The following EIF2AK4 variants were observed in gnomAD, a reference collection of about 807,000 sequenced individuals.
EIF2AK4 encodes eukaryotic translation initiation factor 2 alpha kinase 4.
EIF2AK4 carries 139 observed loss-of-function variants against 211.1 expected under a neutral mutation model. The observed-to-expected ratio is 0.66, with a 90% CI of 0.57 to 0.76. The LOEUF (loss-of-function observed/expected upper bound fraction) is 0.76. Ranked by LOEUF, EIF2AK4 falls within the 30% of genes least tolerant of loss-of-function variation. The pLI, the probability that EIF2AK4 is intolerant of heterozygous loss-of-function variation, is 0.00. For synonymous variants in EIF2AK4, 710 were observed against 751.3 expected (o/e 0.94, Z 0.90); for missense variants, 1,664 against 2,043.8 (o/e 0.81, Z 3.58).
At chr15:39,944,473 C>T (rs772799736) in intron 3 of EIF2AK4, among the ~76,000 whole-genome samples, 48 of 135,262 alleles carry the variant, frequency 3.5e-4, no homozygotes, top group Non-Finnish European at 6.5e-4. Flanking sequence ...GCTCTGTCAC[C>T]CAGGCTAGAG....
chr15:39,970,647 T>A (rs12912096), intron 9 of EIF2AK4, among the ~76,000 whole-genome samples: 69,902 of 151,890 alleles, frequency 0.46, 16,352 homozygotes, highest in East Asian at 0.54. Flanking sequence ...CAAAAAACAA[T>A]ACTATTTTGT....
At chr15:39,939,663 T>TTCTATG in intron 2 of EIF2AK4, 46 bp downstream of exon 2, 1 of 1,473,906 alleles carries the variant, frequency 6.8e-7, no homozygotes, top group Non-Finnish European at 9.4e-7. Context: ...AGTTTTCTGT[T>TTCTATG]TTGACAACAT....
chr15:40,008,236 A>T (rs1167232717), intron 25 of EIF2AK4, 41 bp downstream of exon 25: 1 of 1,537,416 alleles, frequency 6.5e-7, no homozygotes. Flanking sequence ...TCCCCACTAT[A>T]TTTCTTCACC....
chr15:39,967,313 A>G (rs1270163772), intron 8 of EIF2AK4, 31 bp from the exon 9 acceptor site: 2 of 1,476,570 alleles, frequency 1.4e-6, no homozygotes, highest in Non-Finnish European at 1.8e-6. Context: ...GACTGGCCCA[A>G]TATTCTTTTT....
chr15:40,006,971 A>AGC, intron 23 of EIF2AK4, 45 bp from the exon 24 acceptor site: 1 of 1,460,220 alleles, frequency 6.8e-7, no homozygotes, highest in Non-Finnish European at 9.6e-7. Flanking sequence ...TATTAACAAA[A>AGC]GGCACATTTT....
At position 39,958,800 on chromosome 15, in the gene EIF2AK4, A is replaced by G. The variant is rs576980128; in HGVS notation, c.744-2984A>G. Reference sequence around the variant, plus strand: ...GATCCTCTTTCTCCCTCCTGCCCCAACATCTACACATTGATCATAATGGTA... The same window carrying G: ...GATCCTCTTTCTCCCTCCTGCCCCAGCATCTACACATTGATCATAATGGTA... On this transcript the variant is annotated intron_variant, in intron 6 of 38. Coordinates refer to ENST00000263791, the MANE Select transcript of EIF2AK4 (RefSeq NM_001013703.4). Among the ~76,000 whole-genome samples, 8 of 152,258 alleles carry G rather than the reference A, an allele frequency of 5.3e-5. No homozygotes were observed. The South Asian group carries it at 1.0e-3, about 20-fold the overall frequency.
At chr15:40,031,612 A>G (rs2035544004) in intron 35 of EIF2AK4, among the ~76,000 whole-genome samples, 1 of 152,222 alleles carries the variant, frequency 6.6e-6, no homozygotes, top group Non-Finnish European at 1.5e-5. Flanking sequence ...TTTCAAAATT[A>G]TGAAGAGATA....
intron 31 of EIF2AK4, chr15:40,022,214 G>GTGTGTGTGTT (rs771474808): frequency 4.3e-6 from 1 of 232,442 alleles, no homozygotes; most frequent in Non-Finnish European, 8.2e-6. Context: ...GTGTGTGTGT[G>GTGTGTGTGTT]TATGTTGTGT....
At chr15:39,993,724 A>C (rs186797190) in intron 18 of EIF2AK4, among the ~76,000 whole-genome samples, 1 of 152,244 alleles carries the variant, frequency 6.6e-6, no homozygotes, top group Non-Finnish European at 1.5e-5. Context: ...GGCCTGGATA[A>C]GGAGTGTGCA....
chr15:39,998,268 T>TG lies in EIF2AK4; in HGVS notation c.2869-463_2869-462insG, dbSNP rs1486784659. Among the ~76,000 whole-genome samples the TG allele has an allele frequency of 9.0e-5, 11 of 122,566 alleles. 1 individual carries two copies. Among genetic ancestry groups the TG allele is most frequent in the Non-Finnish European group, 1.5e-4 (8 of 51,688 alleles). The allele number at this position is 122,566 out of a possible 152,430, so 80.4% of individuals were successfully genotyped here. Reference sequence around the variant, plus strand: ...GGTATATGGGTGTGGTTTTTTTTTTTTGTTTTGTTTTTTTTTGCCTTTTTT... The same window carrying TG: ...GGTATATGGGTGTGGTTTTTTTTTTTGTGTTTTGTTTTTTTTTGCCTTTTTT... On this transcript the variant is annotated intron_variant, in intron 19 of 38. Coordinates refer to ENST00000263791, the MANE Select transcript of EIF2AK4 (RefSeq NM_001013703.4).
chr15:39,967,545 G>A lies in EIF2AK4; in HGVS notation c.1219G>A (p.Ala407Thr). ...IPVHQLRRYT[A>T]QLLSGLDYLH... ...TGTGCATCAGCTTCGCAGGTACACA[G>A]CTCAGCTCCTGTCAGGCCTTGATTA... Residue 407 changes from alanine (A) to threonine (T), a missense_variant, in exon 9 of 39, where the codon GCT becomes ACT. Transcript: ENST00000263791. The A allele has an allele frequency of 1.2e-6, 2 of 1,613,964 alleles. No individual in the cohort carries two copies. Among genetic ancestry groups the A allele is most frequent in the Non-Finnish European group, 8.5e-7 (1 of 1,179,948 alleles).
Position 40,026,095 on chromosome 15 carries a change from T to G in EIF2AK4, c.4502+6T>G. ...ACTGATGAAAGGAATGGCAGGTAAC[T>G]TAGGAAACAAAAGCCGAGAAAAGTG... On this transcript the variant is annotated splice_donor_region_variant and intron_variant, in intron 33 of 38. Transcript: ENST00000263791. The G allele has an allele frequency of 1.9e-6, 3 of 1,612,368 alleles. No individual in the cohort carries two copies. The highest frequency in any genetic ancestry group is 2.5e-6 in the Non-Finnish European group (3 of 1,178,748).
In EIF2AK4 at chr15:40,035,154, A is replaced by G; in HGVS notation, c.*70A>G. On this transcript the variant is annotated 3_prime_UTR_variant, in exon 39 of 39. Coordinates refer to ENST00000263791, the MANE Select transcript of EIF2AK4 (RefSeq NM_001013703.4). ...ATACTGGAATAATGGAATGTTGTAC[A>G]TTCATCATAATTTAAAATTAAATTC... 1.7e-6 allele frequency: 2 copies of G among 1,165,444 alleles called. No individual in the cohort carries two copies. The highest frequency in any genetic ancestry group is 1.2e-6 in the Non-Finnish European group (1 of 847,466). 72.2% of individuals were successfully genotyped at this position (1,165,444 alleles called of 1,614,324 possible).
Position 39,949,166 on chromosome 15 carries a change from T to C in EIF2AK4, c.411T>C (p.His137=). 2 of 1,614,010 alleles carry C rather than the reference T, an allele frequency of 1.2e-6. No homozygotes were observed. Among genetic ancestry groups the C allele is most frequent in the Non-Finnish European group, 1.7e-6 (2 of 1,179,998 alleles). Reference sequence around the variant, plus strand: ...ACGTGCAGTCATTTCTCAGCGAGCATAACAAGCCCCCTCCCAAGTCTTTTC... The same window carrying C: ...ACGTGCAGTCATTTCTCAGCGAGCACAACAAGCCCCCTCCCAAGTCTTTTC... ...AYHVQSFLSE[H]NKPPPKSFHE... The change falls in exon 4 of 39, where the codon CAT becomes CAC. Residue 137 remains histidine, a synonymous_variant. Coordinates refer to ENST00000263791, the MANE Select transcript of EIF2AK4 (RefSeq NM_001013703.4).
intron 2 of EIF2AK4, among the ~76,000 whole-genome samples, chr15:39,939,985 A>T (rs1053926007): frequency 1.3e-5 from 2 of 152,202 alleles, no homozygotes; most frequent in Non-Finnish European, 2.9e-5. Context: ...TGTGGCTGGT[A>T]TTAGAAATTC....
intron 9 of EIF2AK4, among the ~76,000 whole-genome samples, chr15:39,970,036 A>G (rs2034601726): frequency 6.6e-6 from 1 of 152,148 alleles, no homozygotes; most frequent in South Asian, 2.1e-4. Flanking sequence ...AGCACTGCCT[A>G]CCTCATGAGG....
At position 40,016,525 on chromosome 15, in the gene EIF2AK4, TGAACA is replaced by T; in HGVS notation, c.3787_3791del (p.Gln1263GlyfsTer80). The T allele has an allele frequency of 6.2e-7, 1 of 1,614,192 alleles. No individual in the cohort carries two copies. On this transcript the variant is annotated frameshift_variant, in exon 28 of 39. Transcript: ENST00000263791. LOFTEE classifies it high-confidence loss of function. Reference sequence around the variant, plus strand: ...AGCTGTGTCGACTCTACAAGTTTATTGAACAGAAGGGAGATTTGCAAGATCTTATG... The same window carrying T: ...AGCTGTGTCGACTCTACAAGTTTATTGAAGGGAGATTTGCAAGATCTTATG...
chr15:40,017,059 T>A, intron 28 of EIF2AK4, 49 bp from the exon 29 acceptor site: 1 of 1,592,876 alleles, frequency 6.3e-7, no homozygotes, highest in African/African-American at 1.3e-5. Flanking sequence ...ATATTCCACA[T>A]TCTAAATTTC....
In EIF2AK4 at chr15:39,967,711, C is replaced by T. The variant is rs1384613548; in HGVS notation, c.1385C>T (p.Thr462Ile). ...TGCAAGGAGGATGTGTTTGAGCAAA[C>T]CCGAGTTCGTTTTAGTGACAATGCT... The part of the protein sequence containing the change: ...DICKEDVFEQ[T>I]RVRFSDNALP... The change falls in exon 9 of 39, where the codon ACC becomes ATC. Residue 462 changes from threonine (T) to isoleucine (I), a missense_variant. Around this residue, in one of 7 missense-constraint regions of EIF2AK4, gnomAD observed 641 missense variants for 729.6 expected, o/e 0.88. Coordinates refer to ENST00000263791, the MANE Select transcript of EIF2AK4 (RefSeq NM_001013703.4). The T allele has an allele frequency of 5.0e-6, 8 of 1,614,136 alleles. No individual in the cohort carries two copies. Among genetic ancestry groups the T allele is most frequent in the Non-Finnish European group, 6.8e-6 (8 of 1,180,028 alleles).
Sources: allele counts gnomAD v4.1 joint callset (sites outside exome capture counted in the v4.1 genomes callset), GRCh38; gene constraint gnomAD v4.1.1; regional missense constraint gnomAD v4.1.1; transcripts MANE v1.5; gene names NCBI Gene and HGNC (gene_info 2026-07-23, HGNC 2026-07-21).